The following HMGB1 variants were observed in gnomAD, a reference collection of about 807,000 sequenced individuals.
HMGB1 encodes the protein high mobility group protein B1.
For synonymous variants in HMGB1, 81 were observed against 84.0 expected (o/e 0.96, Z 0.19); for missense variants, 79 against 253.5 (o/e 0.31, Z 4.67).
At chr13:30,608,163 T>A (rs570844258) in intron 1 of HMGB1, among the ~76,000 whole-genome samples, 36 of 152,142 alleles carry the variant, frequency 2.4e-4, no homozygotes, top group Admixed American at 4.6e-4. Flanking sequence ...TTTAGATGAC[T>A]GCAACCACAT....
chr13:30,556,295 CTCGAG>C (rs2137519062), intron 1 of HMGB1, among the ~76,000 whole-genome samples: 1 of 152,286 alleles, frequency 6.6e-6, no homozygotes, highest in African/African-American at 2.4e-5. Flanking sequence ...ATCCCAGCTA[CTCGAG>C]AGCTGAGGCA....
chr13:30,602,123 C>T (rs1162763069), intron 1 of HMGB1, among the ~76,000 whole-genome samples: 1 of 152,136 alleles, frequency 6.6e-6, no homozygotes, highest in Non-Finnish European at 1.5e-5. Flanking sequence ...CAGCCTCAGA[C>T]ATGTCACCGG....
chr13:30,502,917 C>G (rs1376950940), intron 1 of HMGB1, among the ~76,000 whole-genome samples: 1 of 152,072 alleles, frequency 6.6e-6, no homozygotes, highest in African/African-American at 2.4e-5. Flanking sequence ...GTCAAGCAAT[C>G]CACCCATCTC....
intron 1 of HMGB1, among the ~76,000 whole-genome samples, chr13:30,472,168 A>C (rs6490464): frequency 0.073 from 11,038 of 152,106 alleles, 1,314 homozygotes; most frequent in African/African-American, 0.25. Context: ...AGTCCCAGCT[A>C]CCTGGGAGGC....
At chr13:30,470,656 A>AT (rs1305183016), upstream of HMGB1, among the ~76,000 whole-genome samples, 193 of 150,360 alleles carry the variant, frequency 1.3e-3, no homozygotes, top group Middle Eastern at 3.4e-3. Context: ...GTTTTATTTT[A>AT]TTTTTTTTTT....
At chr13:30,470,006 G>A (rs1250757023), upstream of HMGB1, among the ~76,000 whole-genome samples, 1 of 150,880 alleles carries the variant, frequency 6.6e-6, no homozygotes, top group African/African-American at 2.4e-5. Context: ...TCAAACTCAT[G>A]GGCTCAAGTG....
intron 1 of HMGB1, among the ~76,000 whole-genome samples, chr13:30,483,326 CCCAG>C: frequency 6.6e-6 from 1 of 150,814 alleles, no homozygotes; most frequent in Non-Finnish European, 1.5e-5. Flanking sequence ...AGTTGCCCGG[CCCAG>C]AAACCTGAGT....
chr13:30,532,649 C>T (rs944665293), intron 1 of HMGB1, among the ~76,000 whole-genome samples: 3 of 152,120 alleles, frequency 2.0e-5, no homozygotes, highest in Non-Finnish European at 4.4e-5. Context: ...GCTGGGACTA[C>T]AGGCATGCAC....
intron 1 of HMGB1, among the ~76,000 whole-genome samples, chr13:30,575,383 G>C (rs950845698): frequency 6.6e-6 from 1 of 152,098 alleles, no homozygotes; most frequent in Non-Finnish European, 1.5e-5. Context: ...TTCATATGAC[G>C]CTGTTCCTTC....
At chr13:30,571,951 G>A (rs1254893942) in intron 1 of HMGB1, among the ~76,000 whole-genome samples, 2 of 152,026 alleles carry the variant, frequency 1.3e-5, no homozygotes, top group Admixed American at 6.6e-5. Flanking sequence ...GATAAACTCA[G>A]TTGTCTACAT....
chr13:30,543,910 G>A (rs1869029314), intron 1 of HMGB1, among the ~76,000 whole-genome samples: 1 of 152,192 alleles, frequency 6.6e-6, no homozygotes, highest in African/African-American at 2.4e-5. Flanking sequence ...GGCATAAAGG[G>A]TCTTTCCCAT....
chr13:30,591,691 G>A (rs1385363072), intron 1 of HMGB1, among the ~76,000 whole-genome samples: 1 of 151,918 alleles, frequency 6.6e-6, no homozygotes, highest in Admixed American at 6.6e-5. Flanking sequence ...TTGTAGAGAT[G>A]GGGTTTTGCC....
At chr13:30,562,588 G>A (rs960572677) in intron 1 of HMGB1, among the ~76,000 whole-genome samples, 2 of 152,066 alleles carry the variant, frequency 1.3e-5, no homozygotes, top group East Asian at 3.8e-4. Flanking sequence ...TCTCAAGAAC[G>A]ATTTCACATA....
intron 1 of HMGB1, among the ~76,000 whole-genome samples, chr13:30,514,391 G>A (rs373285168): frequency 1.5e-5 from 2 of 129,968 alleles, no homozygotes; most frequent in East Asian, 4.6e-4. Context: ...GTCTCACTAT[G>A]TTACCGAGTT....
intron 1 of HMGB1, among the ~76,000 whole-genome samples, chr13:30,545,942 A>G (rs1459932275): frequency 1.3e-5 from 2 of 152,172 alleles, no homozygotes; most frequent in African/African-American, 4.8e-5. Flanking sequence ...GCTCAAGCGA[A>G]CCACCCACCT....
chr13:30,467,265 C>T (rs1350278580), upstream of HMGB1, among the ~76,000 whole-genome samples: 1 of 152,180 alleles, frequency 6.6e-6, no homozygotes, highest in Non-Finnish European at 1.5e-5. Context: ...CTAAATCCAA[C>T]AACCAATTCC....
At chr13:30,590,608 A>G (rs1033845954) in intron 1 of HMGB1, among the ~76,000 whole-genome samples, 2 of 152,256 alleles carry the variant, frequency 1.3e-5, no homozygotes, top group African/African-American at 4.8e-5. Flanking sequence ...AAGCCGTTCA[A>G]TGCTGTTAGA....
intron 1 of HMGB1, among the ~76,000 whole-genome samples, chr13:30,476,118 C>CA: frequency 9.1e-6 from 1 of 109,500 alleles, no homozygotes; most frequent in East Asian, 2.8e-4. Context: ...GTGGCATGTA[C>CA]TTTTTTTTTT....
chr13:30,487,556 A>G lies in HMGB1; in HGVS notation c.-14-23862T>C, dbSNP rs144617808. 6.0e-4 allele frequency among the ~76,000 whole-genome samples: 91 copies of G among 152,342 alleles called. 2 individuals are homozygous for G. Among genetic ancestry groups the G allele is most frequent in the Admixed American group, 1.6e-3 (25 of 15,304 alleles). On this transcript the variant is annotated intron_variant, in intron 1 of 4. Transcript: ENST00000405805. ...ATATATAAACTTTGTGTAATTCAAT[A>G]TCCAAGACATACAGTATGTCTTTTC...
Sources: allele counts gnomAD v4.1 joint callset (sites outside exome capture counted in the v4.1 genomes callset), GRCh38; gene constraint gnomAD v4.1.1; transcripts MANE v1.5; gene names NCBI Gene and HGNC (gene_info 2026-07-23, HGNC 2026-07-21).